Variants in SLC4A8 observed in about 807,000 individuals in gnomAD.
The protein encoded by SLC4A8 is solute carrier family 4 member 8.
In SLC4A8, 40 loss-of-function variants were observed where a neutral mutation model predicts 125.0. The ratio of observed to expected loss-of-function variants is 0.32; its 90% CI spans 0.25 to 0.42. The LOEUF (loss-of-function observed/expected upper bound fraction) is 0.42. Ranked by LOEUF, SLC4A8 falls within the 10% of genes least tolerant of loss-of-function variation. SLC4A8 has a pLI of 1.00. For missense variants in SLC4A8, 863 were observed against 1,355.1 expected (o/e 0.64, Z 5.70); for synonymous variants, 456 against 476.0 (o/e 0.96, Z 0.55).
At chr12:51,426,187 TCTC>T (rs1235300247) in intron 1 of SLC4A8, among the ~76,000 whole-genome samples, 1 of 152,216 alleles carries the variant, frequency 6.6e-6, no homozygotes, top group Non-Finnish European at 1.5e-5. Context: ...ACACTGACTC[TCTC>T]CTCTTCTTCC....
At chr12:51,439,372 A>G (rs1420261231) in intron 1 of SLC4A8, among the ~76,000 whole-genome samples, 1 of 152,094 alleles carries the variant, frequency 6.6e-6, no homozygotes, top group African/African-American at 2.4e-5. Flanking sequence ...TTTTATTACT[A>G]AGAGAATTGC....
At chr12:51,463,587 A>G (rs1384945899) in intron 10 of SLC4A8, 27 bp from the exon 11 acceptor site, 4 of 1,528,532 alleles carry the variant, frequency 2.6e-6, no homozygotes, top group Admixed American at 1.7e-5. Context: ...TGTTACCTTT[A>G]CTAATTTTGT....
intron 16 of SLC4A8, among the ~76,000 whole-genome samples, chr12:51,485,075 A>G (rs1164669533): frequency 6.6e-6 from 1 of 152,146 alleles, no homozygotes; most frequent in African/African-American, 2.4e-5. Flanking sequence ...AGAGTGGGCA[A>G]GCAGGAGAGC....
At chr12:51,408,545 G>A (rs555988292) in intron 1 of SLC4A8, among the ~76,000 whole-genome samples, 1 of 152,264 alleles carries the variant, frequency 6.6e-6, no homozygotes, top group South Asian at 2.1e-4. Flanking sequence ...CCTATAATGG[G>A]TTTTCTGAGA....
At chr12:51,420,225 T>C (rs2138000445), upstream of SLC4A8, 1 of 152,210 alleles carries the variant, frequency 6.6e-6, no homozygotes, top group East Asian at 1.9e-4. Flanking sequence ...AAGAGGAAAG[T>C]GGAGAAATAA....
intron 15 of SLC4A8, 65 bp downstream of exon 15, chr12:51,474,512 G>A (rs1950805112): frequency 1.3e-6 from 2 of 1,558,494 alleles, no homozygotes; most frequent in Non-Finnish European, 1.7e-6. Flanking sequence ...ACTTCTAAGT[G>A]AAGGGGAGGA....
intron 5 of SLC4A8, among the ~76,000 whole-genome samples, chr12:51,455,974 C>T (rs1038472762): frequency 6.6e-6 from 1 of 152,176 alleles, no homozygotes; most frequent in Admixed American, 6.5e-5. Context: ...TTGTAAACAA[C>T]AGCAGTCACG....
chr12:51,479,489 C>A (rs1950954975), intron 16 of SLC4A8, among the ~76,000 whole-genome samples: 1 of 151,966 alleles, frequency 6.6e-6, no homozygotes, highest in African/African-American at 2.4e-5. Context: ...GAGTTCCAGA[C>A]CAGTCTGGCC....
intron 2 of SLC4A8, among the ~76,000 whole-genome samples, chr12:51,447,010 C>T (rs1949790013): frequency 6.6e-6 from 1 of 152,164 alleles, no homozygotes; most frequent in Non-Finnish European, 1.5e-5. Flanking sequence ...CAGCACTAAC[C>T]AAGGGTGCTG....
At chr12:51,478,012 C>A (rs781045702) in intron 16 of SLC4A8, among the ~76,000 whole-genome samples, 10 of 152,086 alleles carry the variant, frequency 6.6e-5, no homozygotes, top group Non-Finnish European at 1.2e-4. Context: ...CGCAGTGGCT[C>A]ACGCCTGTAA....
rs1008483664 is a variant in SLC4A8 at position 51,508,707 on chromosome 12, G to A, written c.*1269G>A. 1 of 152,212 alleles carries A rather than the reference G, an allele frequency of 6.6e-6. No individual in the cohort carries two copies. The highest frequency in any genetic ancestry group is 2.4e-5 in the African/African-American group (1 of 41,420). 9.4% of individuals were successfully genotyped at this position (152,212 alleles called of 1,614,324 possible). A position where few individuals can be genotyped will look rare whatever the true frequency, so the allele number is the denominator to read the frequency against. ...TAGTTTTTCTCTTCTCTTCTATGTTGCAATGAATGTAAAGTATTTGGGATC... is the reference window on the plus strand; with the variant it reads ...TAGTTTTTCTCTTCTCTTCTATGTTACAATGAATGTAAAGTATTTGGGATC... On this transcript the variant is annotated 3_prime_UTR_variant, in exon 25 of 25. Coordinates refer to ENST00000453097, the MANE Select transcript of SLC4A8 (RefSeq NM_001039960.3).
intron 14 of SLC4A8, 62 bp from the exon 15 acceptor site, chr12:51,474,279 TA>T: frequency 2.7e-6 from 3 of 1,107,676 alleles, no homozygotes; most frequent in Non-Finnish European, 4.0e-6. Flanking sequence ...CCAGTTGTTC[TA>T]AAAACATTTA....
intron 9 of SLC4A8, chr12:51,461,834 A>C (rs1046938152): frequency 5.0e-6 from 1 of 199,854 alleles, no homozygotes; most frequent in Admixed American, 5.3e-5. Context: ...CTTTCAAGGC[A>C]TATGCCTTAG....
At position 51,485,713 on chromosome 12, in the gene SLC4A8, C is replaced by T. The variant is rs1032357866; in HGVS notation, c.2173-74C>T. 3.2e-4 allele frequency: 236 copies of T among 733,456 alleles called. 1 individual carries two copies. The highest frequency in any genetic ancestry group is 1.9e-4 in the Non-Finnish European group (80 of 424,420). 45.4% of individuals were successfully genotyped at this position (733,456 alleles called of 1,614,324 possible). On this transcript the variant is annotated intron_variant, in intron 16 of 24. Transcript: ENST00000453097. ...AAACATTCTTCTGAGGATTTTTAAG[C>T]CTTTTACAATACTAACCTCTTTTCT...
intron 19 of SLC4A8, among the ~76,000 whole-genome samples, chr12:51,492,426 A>G (rs7980940): frequency 0.48 from 73,332 of 151,814 alleles, 18,040 homozygotes; most frequent in Non-Finnish European, 0.53. Context: ...CCCACCTCAT[A>G]TTCCCTGTCC....
intron 17 of SLC4A8, among the ~76,000 whole-genome samples, chr12:51,487,717 T>A (rs1005950416): frequency 2.0e-5 from 3 of 152,170 alleles, no homozygotes; most frequent in African/African-American, 7.2e-5. Flanking sequence ...TTGGAGAGGA[T>A]CCTAGGTCAA....
chr12:51,476,972 A>G (rs1950876068), intron 16 of SLC4A8, among the ~76,000 whole-genome samples: 1 of 145,742 alleles, frequency 6.9e-6, no homozygotes. Context: ...CGATGGTACA[A>G]TCTTGGCTCA....
intron 1 of SLC4A8, among the ~76,000 whole-genome samples, chr12:51,416,222 T>TTTTG (rs1451936200): frequency 6.7e-6 from 1 of 149,966 alleles, no homozygotes; most frequent in African/African-American, 2.4e-5. Flanking sequence ...TTTTTTTTTT[T>TTTTG]TTTTTTTTTT....
chr12:51,451,892 C>A (rs1334437347), intron 3 of SLC4A8, among the ~76,000 whole-genome samples: 2 of 151,842 alleles, frequency 1.3e-5, no homozygotes, highest in African/African-American at 4.8e-5. Context: ...TGATCAAATT[C>A]ATCAGTTTTC....
Sources: gnomAD v4.1 joint callset for allele counts (sites outside exome capture counted in the v4.1 genomes callset) on GRCh38, gnomAD v4.1.1 for gene constraint, MANE v1.5 for transcripts, NCBI Gene and HGNC (gene_info 2026-07-23, HGNC 2026-07-21) for gene names.